The following NCOA5 variants were observed in gnomAD, a reference collection of about 807,000 sequenced individuals.
NCOA5 encodes NCoA-5.
NCOA5 carries 12 observed loss-of-function variants against 59.0 expected under a neutral mutation model. The observed-to-expected ratio is 0.20, with a 90% confidence interval of 0.13 to 0.33. NCOA5 has a LOEUF of 0.33. Ranked by LOEUF, NCOA5 falls within the 10% of genes least tolerant of loss-of-function variation. The pLI is 1.00. For missense variants in NCOA5, 655 were observed against 766.6 expected, an observed-to-expected ratio of 0.85 and a Z score of 1.72; for synonymous variants, 270 against 275.5, an observed-to-expected ratio of 0.98 and a Z score of 0.20.
intron 2 of NCOA5, among the ~76,000 whole-genome samples, chr20:46,076,378 C>G (rs1434592477): frequency 6.6e-6 from 1 of 152,116 alleles, no homozygotes; most frequent in African/African-American, 2.4e-5. Context: ...TTGCCCCTTC[C>G]AGATTAATTA....
Position 46,062,171 on chromosome 20 carries a change from G to A in NCOA5, c.*129C>T, listed in dbSNP as rs2084773129. On this transcript the variant is annotated 3_prime_UTR_variant, in exon 8 of 8. Transcript: ENST00000290231. ...CCTTGGGCAGAAGAGAGAGCAGGTGGTAGAAATTGATGACACTCGATGCCG... is the reference window on the plus strand; with the variant it reads ...CCTTGGGCAGAAGAGAGAGCAGGTGATAGAAATTGATGACACTCGATGCCG... The A allele has an allele frequency of 1.5e-5, 10 of 669,244 alleles. No homozygotes were observed. Among genetic ancestry groups the A allele is most frequent in the Non-Finnish European group, 2.0e-5 (8 of 400,134 alleles). The allele number at this position is 669,244 out of a possible 1,614,324, so 41.5% of individuals were successfully genotyped here.
Position 46,062,398 on chromosome 20 carries a change from T to C in NCOA5, c.1642A>G (p.Ile548Val). ...PSVQKALDTLIQSGPALSHLV... is the reference protein window; with the variant it reads ...PSVQKALDTLVQSGPALSHLV... ...TGGGAGAGAGCAGGGCCACTCTGGA[T>C]CAGGGTATCCAGAGCCTTCTGTACA... Residue 548 changes from isoleucine to valine, a missense_variant, in exon 8 of 8, where the codon ATC (isoleucine) becomes GTC (valine). Coordinates refer to ENST00000290231, the MANE Select transcript of NCOA5 (RefSeq NM_020967.3). 1 of 1,614,116 alleles carries C rather than the reference T, an allele frequency of 6.2e-7. No individual in the cohort carries two copies. The highest frequency in any genetic ancestry group is 1.1e-5 in the South Asian group (1 of 91,074).
chr20:46,064,931 A>G, intron 6 of NCOA5, 98 bp downstream of exon 6: 1 of 1,157,238 alleles, frequency 8.6e-7, no homozygotes. Context: ...ATATGAACTG[A>G]GATATAAGAG....
intron 2 of NCOA5, among the ~76,000 whole-genome samples, chr20:46,072,264 G>T (rs1036573727): frequency 7.2e-5 from 11 of 152,144 alleles, no homozygotes; most frequent in African/African-American, 1.9e-4. Context: ...TCTTTCTCCA[G>T]AAAGATCACT....
intron 4 of NCOA5, among the ~76,000 whole-genome samples, chr20:46,067,608 AAATTT>A (rs1443353070): frequency 6.6e-6 from 1 of 151,922 alleles, no homozygotes; most frequent in Non-Finnish European, 1.5e-5. Context: ...TTAAAATTAA[AAATTT>A]AAAAGTTCTT....
chr20:46,063,814 G>C (rs1433912954), intron 6 of NCOA5, 134 bp from the exon 7 acceptor site: 1 of 923,122 alleles, frequency 1.1e-6, no homozygotes, highest in East Asian at 2.6e-5. Context: ...TTGAGATTGA[G>C]AGTGGGGTGG....
intron 1 of NCOA5, among the ~76,000 whole-genome samples, chr20:46,080,781 G>C (rs1281175919): frequency 6.6e-6 from 1 of 151,986 alleles, no homozygotes; most frequent in Non-Finnish European, 1.5e-5. Context: ...CAATTAAGCA[G>C]ACACAAGATA....
chr20:46,075,950 C>T, intron 2 of NCOA5, among the ~76,000 whole-genome samples: 1 of 152,304 alleles, frequency 6.6e-6, no homozygotes, highest in African/African-American at 2.4e-5. Context: ...ACACTGACAG[C>T]TGGAGTCATC....
rs569633669 is a variant in NCOA5 at position 46,075,271 on chromosome 20, T to C, written c.38+4116A>G. ...CTCCAGCACAAACAGAACTTTCTTATTGGTAGAGGTGGCAGCTGCTGAGAA... is the reference window on the plus strand; with the variant it reads ...CTCCAGCACAAACAGAACTTTCTTACTGGTAGAGGTGGCAGCTGCTGAGAA... On this transcript the variant is annotated intron_variant, in intron 2 of 7. Coordinates refer to ENST00000290231, the MANE Select transcript of NCOA5 (RefSeq NM_020967.3). 7.2e-5 allele frequency among the ~76,000 whole-genome samples: 11 copies of C among 152,300 alleles called. No individual in the cohort carries two copies. The South Asian group carries it at 2.1e-3, about 29-fold the overall frequency.
At chr20:46,077,364 AG>A (rs1457314708) in intron 2 of NCOA5, among the ~76,000 whole-genome samples, 1 of 152,250 alleles carries the variant, frequency 6.6e-6, no homozygotes, top group Non-Finnish European at 1.5e-5. Flanking sequence ...GGTTTCAACC[AG>A]GGAAGTTGGT....
chr20:46,083,997 C>T (rs1348762695), intron 1 of NCOA5, among the ~76,000 whole-genome samples: 1 of 152,268 alleles, frequency 6.6e-6, no homozygotes, highest in Non-Finnish European at 1.5e-5. Context: ...CTCCTTTATT[C>T]TCCAACTAAA....
intron 2 of NCOA5, among the ~76,000 whole-genome samples, chr20:46,076,425 G>C (rs2084939155): frequency 6.6e-6 from 1 of 152,100 alleles, no homozygotes; most frequent in African/African-American, 2.4e-5. Flanking sequence ...ATTTATGTCT[G>C]CCCTATTGGT....
chr20:46,085,068 T>C lies in NCOA5; in HGVS notation c.-30+4749A>G, dbSNP rs1329514900. ...TAAAAAAGAAAGGGTCTCAGCTCTG[T>C]TGTCCAGGCTGGAGTGCAGTGGCTC... On this transcript the variant is annotated intron_variant, in intron 1 of 7. Coordinates refer to ENST00000290231, the MANE Select transcript of NCOA5 (RefSeq NM_020967.3). Among the ~76,000 whole-genome samples the C allele has an allele frequency of 2.0e-5, 3 of 152,234 alleles. No individual in the cohort carries two copies. In the East Asian group the frequency reaches 5.8e-4, roughly 29 times the overall value.
In NCOA5 at chr20:46,089,862, C is replaced by T. The variant is rs544954572; in HGVS notation, c.-75G>A. On this transcript the variant is annotated 5_prime_UTR_variant, in exon 1 of 8. Transcript: ENST00000290231. ...CCCGGCCGCTCCTTCGCCTCAGGCCCGCCGCTGCCGCCTCCGCGTCGGCCC... is the reference window on the plus strand; with the variant it reads ...CCCGGCCGCTCCTTCGCCTCAGGCCTGCCGCTGCCGCCTCCGCGTCGGCCC... 6.6e-6 allele frequency: 1 copy of T among 152,342 alleles called. No individual in the cohort carries two copies. The highest frequency in any genetic ancestry group is 2.4e-5 in the African/African-American group (1 of 41,578). The allele number at this position is 152,342 out of a possible 1,614,324, so 9.4% of individuals were successfully genotyped here.
At chr20:46,075,079 C>T (rs918198976) in intron 2 of NCOA5, among the ~76,000 whole-genome samples, 1 of 152,162 alleles carries the variant, frequency 6.6e-6, no homozygotes, top group Admixed American at 6.5e-5. Context: ...GATGTTGATC[C>T]TCCACCAGGA....
chr20:46,062,748 A>T lies in NCOA5; in HGVS notation c.1292T>A (p.Leu431His). The change falls in exon 8 of 8, where the codon CTT (leucine) becomes CAT (histidine). Residue 431 changes from leucine (L) to histidine (H), a missense_variant. Leu to His is a moderately conservative substitution (Grantham distance 99). Coordinates refer to ENST00000290231, the MANE Select transcript of NCOA5 (RefSeq NM_020967.3). ...PSAPPTSQQE[L>H]QAKILSLFNS... ...GAAGAGGCTGAGGATTTTGGCCTGA[A>T]GCTCTTGCTGGGAGGTGGGGGGTGC... 1 of 1,611,450 alleles carries T rather than the reference A, an allele frequency of 6.2e-7. No individual in the cohort carries two copies. Among genetic ancestry groups the T allele is most frequent in the Non-Finnish European group, 8.5e-7 (1 of 1,178,270 alleles).
At chr20:46,081,880 T>C (rs931273908) in intron 1 of NCOA5, among the ~76,000 whole-genome samples, 2 of 151,838 alleles carry the variant, frequency 1.3e-5, no homozygotes, top group Non-Finnish European at 2.9e-5. Context: ...CCAATCCCCA[T>C]ACACCCAAAA....
intron 1 of NCOA5, among the ~76,000 whole-genome samples, chr20:46,089,427 T>G (rs1413231782): frequency 6.6e-6 from 1 of 152,226 alleles, no homozygotes; most frequent in Non-Finnish European, 1.5e-5. Flanking sequence ...ACTGCGCCAC[T>G]GACTCGCTGA....
At chr20:46,076,135 A>C (rs1394437441) in intron 2 of NCOA5, among the ~76,000 whole-genome samples, 1 of 152,250 alleles carries the variant, frequency 6.6e-6, no homozygotes, top group Non-Finnish European at 1.5e-5. Flanking sequence ...TTAAACGTAG[A>C]AAGCGCTAAA....
Sources: gnomAD v4.1 joint callset for allele counts (sites outside exome capture counted in the v4.1 genomes callset) on GRCh38, gnomAD v4.1.1 for gene constraint, MANE v1.5 for transcripts, NCBI Gene and HGNC (gene_info 2026-07-23, HGNC 2026-07-21) for gene names.